Variants in TMPRSS11A observed in about 807,000 individuals in gnomAD.
TMPRSS11A encodes the protein transmembrane protease serine 11A.
Under a neutral mutation model 58.9 loss-of-function variants are expected in TMPRSS11A, and 53 were observed. That is an observed-to-expected ratio of 0.90 (90% CI 0.72 to 1.13). TMPRSS11A has a LOEUF of 1.13. Among genes scored for constraint, TMPRSS11A ranks in the 50% most tolerant of loss-of-function variants. TMPRSS11A has a pLI of 0.00. For synonymous variants in TMPRSS11A, 167 were observed against 169.8 expected, an observed-to-expected ratio of 0.98 and a Z score of 0.13; for missense variants, 493 against 499.3, an observed-to-expected ratio of 0.99 and a Z score of 0.12.
chr4:67,911,021 C>T lies in TMPRSS11A; in HGVS notation c.*321G>A, dbSNP rs33929303. 0.32 allele frequency: 61,208 copies of T among 189,932 alleles called. 10,526 individuals are homozygous for T. The highest frequency in any genetic ancestry group is 0.37 in the Non-Finnish European group (34,863 of 93,094). The allele number at this position is 189,932 out of a possible 1,614,324, so 11.8% of individuals were successfully genotyped here. On this transcript the variant is annotated 3_prime_UTR_variant, in exon 10 of 10. Transcript: ENST00000508048. ...TCAGTTAAAAGGAGACCCTTGACAA[C>T]GACATTCTAAAAATCCCATGGACTA...
chr4:67,962,560 T>C (rs533890093), intron 1 of TMPRSS11A, among the ~76,000 whole-genome samples: 7 of 152,216 alleles, frequency 4.6e-5, no homozygotes, highest in Non-Finnish European at 7.3e-5. Context: ...TTAACGATAC[T>C]TGTGATACTT....
intron 1 of TMPRSS11A, among the ~76,000 whole-genome samples, chr4:67,961,483 C>CTTTTTTTTTTTTTTT (rs1553924063): frequency 1.4e-4 from 1 of 7,162 alleles, no homozygotes; most frequent in African/African-American, 2.5e-4. Context: ...TTTTCTTTTC[C>CTTTTTTTTTTTTTTT]TTTTTTTTTT....
At chr4:67,919,265 T>C (rs753840265) in intron 7 of TMPRSS11A, 33 bp from the exon 8 acceptor site, 3 of 1,597,668 alleles carry the variant, frequency 1.9e-6, no homozygotes, top group Non-Finnish European at 1.7e-6. Flanking sequence ...AGAATATATA[T>C]AAGCTGCCCA....
chr4:67,928,052 AT>A (rs1219325452), intron 5 of TMPRSS11A, among the ~76,000 whole-genome samples: 3 of 151,900 alleles, frequency 2.0e-5, no homozygotes, highest in African/African-American at 7.3e-5. Flanking sequence ...TTTATTTTTT[AT>A]TTTTTTGGAG....
intron 1 of TMPRSS11A, among the ~76,000 whole-genome samples, chr4:67,956,561 C>G (rs544397137): frequency 6.6e-6 from 1 of 152,210 alleles, no homozygotes; most frequent in Admixed American, 6.5e-5. Context: ...ACATTTTCCC[C>G]CTATAAAATA....
intron 3 of TMPRSS11A, among the ~76,000 whole-genome samples, chr4:67,933,692 TTTGTTA>T (rs1720685132): frequency 6.6e-6 from 1 of 152,194 alleles, no homozygotes; most frequent in African/African-American, 2.4e-5. Flanking sequence ...AAAGGGTGAC[TTTGTTA>T]TAACAATTTC....
chr4:67,929,120 G>C (rs1167185107), intron 5 of TMPRSS11A, among the ~76,000 whole-genome samples: 1 of 152,052 alleles, frequency 6.6e-6, no homozygotes, highest in Non-Finnish European at 1.5e-5. Context: ...TTGATTCTTA[G>C]CTCCTTTTAA....
rs1033215041 is a variant in TMPRSS11A at position 67,940,014 on chromosome 4, C to T, written c.252+4505G>A. ...AATTGTATGATTTTTGTTTTTAATT[C>T]GGTTTATGTGGTAAATCGCATTTAT... On this transcript the variant is annotated intron_variant, in intron 3 of 9. Coordinates refer to ENST00000508048, the MANE Select transcript of TMPRSS11A (RefSeq NM_001114387.2). Among the ~76,000 whole-genome samples, 11 of 152,150 alleles carry T rather than the reference C, an allele frequency of 7.2e-5. No individual in the cohort carries two copies. The East Asian group carries it at 7.7e-4, about 11-fold the overall frequency.
At chr4:67,922,957 G>A (rs1720369574) in intron 6 of TMPRSS11A, 31 bp from the exon 7 acceptor site, 4 of 1,606,832 alleles carry the variant, frequency 2.5e-6, no homozygotes, top group Non-Finnish European at 3.4e-6. Context: ...TAAGTTATAA[G>A]AAACATCTTG....
Position 67,911,145 on chromosome 4 carries a change from T to C in TMPRSS11A, c.*197A>G, listed in dbSNP as rs747214085. ...ATTTTTCAAGCCAGATCCATTACTT[T>C]ACAAATAAAAGTCCCTTATAAATTG... is the stretch of plus-strand genomic sequence containing the variant. On this transcript the variant is annotated 3_prime_UTR_variant, in exon 10 of 10. Transcript: ENST00000508048. 3 of 475,934 alleles carry C rather than the reference T, an allele frequency of 6.3e-6. No homozygotes were observed. Among genetic ancestry groups the C allele is most frequent in the Non-Finnish European group, 1.1e-5 (3 of 270,320 alleles). 29.5% of individuals were successfully genotyped at this position (475,934 alleles called of 1,614,324 possible). A position where few individuals can be genotyped will look rare whatever the true frequency, so the allele number is the denominator to read the frequency against.
intron 3 of TMPRSS11A, among the ~76,000 whole-genome samples, chr4:67,933,033 A>G (rs1269223953): frequency 1.3e-5 from 2 of 151,986 alleles, no homozygotes; most frequent in African/African-American, 4.8e-5. Context: ...GTTGGACAGA[A>G]GAACCAAATG....
chr4:67,915,325 G>A lies in TMPRSS11A; in HGVS notation c.953-595C>T, dbSNP rs186564132. 3.0e-3 allele frequency among the ~76,000 whole-genome samples: 454 copies of A among 152,154 alleles called. 4 individuals carry two copies. Among genetic ancestry groups the A allele is most frequent in the African/African-American group, 0.01 (430 of 41,522 alleles). Reference sequence around the variant, plus strand: ...AGAAACCATTATTATGGCAGGCTACGTAGAAAACTAAGAATAGCACAAGCA... The same window carrying A: ...AGAAACCATTATTATGGCAGGCTACATAGAAAACTAAGAATAGCACAAGCA... On this transcript the variant is annotated intron_variant, in intron 8 of 9. Coordinates refer to ENST00000508048, the MANE Select transcript of TMPRSS11A (RefSeq NM_001114387.2).
At chr4:67,944,890 G>A in intron 2 of TMPRSS11A, among the ~76,000 whole-genome samples, 1 of 152,138 alleles carries the variant, frequency 6.6e-6, no homozygotes, top group African/African-American at 2.4e-5. Flanking sequence ...AGCTCTCTAA[G>A]ATTGGTATCA....
At chr4:67,928,594 C>T (rs1000471511) in intron 5 of TMPRSS11A, among the ~76,000 whole-genome samples, 5 of 152,216 alleles carry the variant, frequency 3.3e-5, no homozygotes, top group Non-Finnish European at 7.3e-5. Context: ...TGTTTCACAA[C>T]TTCTATTCAT....
intron 7 of TMPRSS11A, among the ~76,000 whole-genome samples, chr4:67,920,977 T>A (rs950498891): frequency 2.0e-5 from 3 of 152,178 alleles, no homozygotes; most frequent in African/African-American, 7.2e-5. Flanking sequence ...TGATATTTAT[T>A]TTCACTTATG....
chr4:67,942,450 G>A lies in TMPRSS11A; in HGVS notation c.252+2069C>T, dbSNP rs186180878. On this transcript the variant is annotated intron_variant, in intron 3 of 9. Coordinates refer to ENST00000508048, the MANE Select transcript of TMPRSS11A (RefSeq NM_001114387.2). ...TGAACCAGGAAGCAGGCTCTCACCA[G>A]ACATCTGCTAGAGCCTTGATCATCT... 5.9e-5 allele frequency among the ~76,000 whole-genome samples: 9 copies of A among 152,320 alleles called. No homozygotes were observed. In the East Asian group the frequency reaches 1.4e-3, roughly 23 times the overall value.
At chr4:67,930,198 T>C (rs569406642) in intron 4 of TMPRSS11A, among the ~76,000 whole-genome samples, 158 bp from the exon 5 acceptor site, 3 of 152,328 alleles carry the variant, frequency 2.0e-5, no homozygotes, top group Admixed American at 6.5e-5. Flanking sequence ...TTTCATATGT[T>C]CCCTCTTCTA....
chr4:67,940,667 T>A (rs74618262), intron 3 of TMPRSS11A, among the ~76,000 whole-genome samples: 3,157 of 152,310 alleles, frequency 0.021, 67 homozygotes, highest in East Asian at 0.12. Context: ...CAGTCCAGAC[T>A]GGTTTTGGCT....
chr4:67,940,707 T>A (rs1206169985), intron 3 of TMPRSS11A, among the ~76,000 whole-genome samples: 1 of 152,204 alleles, frequency 6.6e-6, no homozygotes, highest in Non-Finnish European at 1.5e-5. Flanking sequence ...GTAAGGGTTT[T>A]GTGTCCTCTG....
Sources: gnomAD v4.1 joint callset for allele counts (sites outside exome capture counted in the v4.1 genomes callset) on GRCh38, gnomAD v4.1.1 for gene constraint, MANE v1.5 for transcripts, NCBI Gene and HGNC (gene_info 2026-07-23, HGNC 2026-07-21) for gene names.